ZNF469: variants seen among roughly 807,000 people sequenced by gnomAD.
The protein encoded by ZNF469 is zinc finger protein 469.
ZNF469 carries 1 observed loss-of-function variant against 1.0 expected under a neutral mutation model. That is an observed-to-expected ratio of 1.00 (90% CI 0.35 to 4.73). The LOEUF is 4.73. Ranked by LOEUF, ZNF469 falls within the 30% of genes most tolerant of loss-of-function variation. The pLI is 0.16. For missense variants in ZNF469, 6,100 were observed against 5,356.3 expected (o/e 1.14, Z -4.33); for synonymous variants, 2,703 against 2,363.4 (o/e 1.14, Z -4.17).
the ZNF469 span, among the ~76,000 whole-genome samples, chr16:88,282,627 G>T: frequency 6.6e-6 from 1 of 152,268 alleles, no homozygotes; most frequent in Admixed American, 6.5e-5. Context: ...CTGCAGAGAC[G>T]TCGGATTGCA....
the ZNF469 span, among the ~76,000 whole-genome samples, chr16:88,209,204 C>G: frequency 6.6e-6 from 1 of 152,198 alleles, no homozygotes; most frequent in East Asian, 1.9e-4. Context: ...TAGTCCATCT[C>G]CCCAACACTG....
In ZNF469 at chr16:88,430,811, G is replaced by T. The variant is rs568046708; in HGVS notation, c.3341G>T (p.Arg1114Leu). 2.5e-3 allele frequency: 3,769 copies of T among 1,531,412 alleles called. 10 individuals are homozygous for T. The highest frequency in any genetic ancestry group is 2.9e-3 in the South Asian group (239 of 83,694). The allele number at this position is 1,531,412 out of a possible 1,614,324, so 94.9% of individuals were successfully genotyped here. The change falls in exon 3 of 3, where the codon CGG (arginine) becomes CTG (leucine). Residue 1114 changes from arginine (R) to leucine (L), a missense_variant. Arg to Leu is a moderately radical substitution (Grantham distance 102). Transcript: ENST00000565624. ...PPPRGPGFRG[R>L]RGRGEKRKEV... ...CCGCGGGGCCCCGGCTTCAGAGGCC[G>T]GCGGGGCCGAGGCGAGAAGAGGAAG...
At chr16:88,146,633 C>A in the ZNF469 span, among the ~76,000 whole-genome samples, 4 of 152,208 alleles carry the variant, frequency 2.6e-5, no homozygotes, top group African/African-American at 9.6e-5. Flanking sequence ...CAGTCTCTGC[C>A]CTGGGGACGG....
In ZNF469 at chr16:88,431,575, G is replaced by A; in HGVS notation, c.4105G>A (p.Ala1369Thr). 1.9e-6 allele frequency: 3 copies of A among 1,550,432 alleles called. No individual in the cohort carries two copies. The highest frequency in any genetic ancestry group is 1.4e-5 in the African/African-American group (1 of 73,166). ...CAGAGACCCCTTGGGGGTTCCAGTT[G>A]CCAAAAAGGGGCCTCAGCCCTACAG... is the stretch of plus-strand genomic sequence containing the variant. ...FNRDPLGVPVAKKGPQPYSSP... is the reference protein window; with the variant it reads ...FNRDPLGVPVTKKGPQPYSSP... Residue 1369 changes from alanine (A) to threonine (T), a missense_variant, in exon 3 of 3, where the codon GCC becomes ACC. Ala to Thr is a moderately conservative substitution (Grantham distance 58). Transcript: ENST00000565624.
the ZNF469 span, among the ~76,000 whole-genome samples, chr16:88,274,102 C>T: frequency 6.6e-6 from 1 of 152,180 alleles, no homozygotes; most frequent in African/African-American, 2.4e-5. Context: ...CGCGCCTGGC[C>T]AGAATATTTT....
In ZNF469 at chr16:88,434,573, G is replaced by A. The variant is rs558575823; in HGVS notation, c.7103G>A (p.Gly2368Asp). 6.5e-7 allele frequency: 1 copy of A among 1,550,318 alleles called. No individual in the cohort carries two copies. Among genetic ancestry groups the A allele is most frequent in the East Asian group, 2.4e-5 (1 of 40,920 alleles). The change falls in exon 3 of 3, where the codon GGT becomes GAT. Residue 2368 changes from glycine to aspartate, a missense_variant. Coordinates refer to ENST00000565624, the MANE Select transcript of ZNF469 (RefSeq NM_001367624.2). Reference protein sequence around the residue: ...AGPDSPACLEGEMGTSSKEPE... With the variant: ...AGPDSPACLEDEMGTSSKEPE... ...CCGGACTCCCCCGCCTGCCTGGAAG[G>A]TGAGATGGGGACCAGCAGCAAGGAG...
At chr16:88,319,148 G>T in the ZNF469 span, among the ~76,000 whole-genome samples, 2 of 152,150 alleles carry the variant, frequency 1.3e-5, no homozygotes, top group Non-Finnish European at 2.9e-5. Flanking sequence ...GCGGATTCTG[G>T]ATTTGGGGTT....
the ZNF469 span, among the ~76,000 whole-genome samples, chr16:88,221,639 G>T: frequency 2.0e-5 from 3 of 152,222 alleles, no homozygotes; most frequent in Non-Finnish European, 4.4e-5. Flanking sequence ...GAGAGCCCCC[G>T]TCATGCATCC....
At chr16:88,368,996 T>C in the ZNF469 span, among the ~76,000 whole-genome samples, 6 of 151,748 alleles carry the variant, frequency 4.0e-5, no homozygotes, top group African/African-American at 1.2e-4. Flanking sequence ...GGAAAATTGC[T>C]CGAACCCAGG....
At chr16:88,165,152 G>T in the ZNF469 span, among the ~76,000 whole-genome samples, 2 of 152,220 alleles carry the variant, frequency 1.3e-5, no homozygotes, top group Admixed American at 1.3e-4. Flanking sequence ...AGGCAGCAGG[G>T]CTCCTGTGAG....
At chr16:88,111,534 C>T in the ZNF469 span, among the ~76,000 whole-genome samples, 250 of 152,256 alleles carry the variant, frequency 1.6e-3, 1 homozygote, top group African/African-American at 5.8e-3. Context: ...CCCCCCACTT[C>T]CCTTCCCAGC....
chr16:88,257,052 G>T, the ZNF469 span, among the ~76,000 whole-genome samples: 2 of 149,112 alleles, frequency 1.3e-5, no homozygotes, highest in South Asian at 2.1e-4. Context: ...AGGTTCAAGT[G>T]ATTCTCCTGC....
At chr16:88,352,359 C>T in the ZNF469 span, among the ~76,000 whole-genome samples, 2 of 152,344 alleles carry the variant, frequency 1.3e-5, no homozygotes, top group South Asian at 2.1e-4. Context: ...CTGGTGTCCT[C>T]GTGACTCATC....
At chr16:88,407,532 G>C (rs553340850) in intron 1 of ZNF469, among the ~76,000 whole-genome samples, 1 of 152,330 alleles carries the variant, frequency 6.6e-6, no homozygotes, top group South Asian at 2.1e-4. Context: ...GTGTGCATCC[G>C]ACGTCTGAGT....
At position 88,430,982 on chromosome 16, in the gene ZNF469, C is replaced by G. The variant is rs1267590861; in HGVS notation, c.3512C>G (p.Ala1171Gly). The G allele has an allele frequency of 9.1e-6, 14 of 1,540,626 alleles. No homozygotes were observed. The stretch of plus-strand genomic sequence containing the variant: ...CCGGGCCCCGGCAGGAGCCCTCAGG[C>G]CCGTGGCCCGTCTCGAAGCCTGGAG... ...SRPGPGRSPQ[A>G]RGPSRSLETG... Residue 1171 changes from alanine (A) to glycine (G), a missense_variant, in exon 3 of 3, where the codon GCC becomes GGC. By Grantham distance (60) the Ala-to-Gly change is moderately conservative. Transcript: ENST00000565624.
chr16:88,433,973 G>C lies in ZNF469; in HGVS notation c.6503G>C (p.Cys2168Ser), dbSNP rs921749050. The change falls in exon 3 of 3, where the codon TGT becomes TCT. Residue 2168 changes from cysteine to serine, a missense_variant. Physicochemically the swap from Cys to Ser is moderately radical, Grantham distance 112. Transcript: ENST00000565624. ...CCCGGCCCCCAGCAGCTGCTGGCCT[G>C]TTCTCCTGCCTGGGCACCTCTGGAA... Reference protein sequence around the residue: ...DPPGPQQLLACSPAWAPLEEA... With the variant: ...DPPGPQQLLASSPAWAPLEEA... 1 of 1,550,132 alleles carries C rather than the reference G, an allele frequency of 6.5e-7. No individual in the cohort carries two copies. Among genetic ancestry groups the C allele is most frequent in the Non-Finnish European group, 8.7e-7 (1 of 1,146,928 alleles).
At chr16:88,397,227 T>C (rs1904711402) in intron 1 of ZNF469, among the ~76,000 whole-genome samples, 2 of 152,218 alleles carry the variant, frequency 1.3e-5, no homozygotes, top group Admixed American at 1.3e-4. Flanking sequence ...AAGCCTCTCA[T>C]TGGCGGACCC....
At chr16:88,111,740 G>T in the ZNF469 span, among the ~76,000 whole-genome samples, 2 of 152,100 alleles carry the variant, frequency 1.3e-5, no homozygotes, top group African/African-American at 2.4e-5. Flanking sequence ...GGGTTCAAGC[G>T]ATCCTCCTGC....
chr16:88,106,348 C>T, the ZNF469 span, among the ~76,000 whole-genome samples: 1 of 152,198 alleles, frequency 6.6e-6, no homozygotes, highest in Non-Finnish European at 1.5e-5. Flanking sequence ...TTTCTCCATC[C>T]GAGAGGCAGT....
Sources: allele counts gnomAD v4.1 joint callset (sites outside exome capture counted in the v4.1 genomes callset), GRCh38; gene constraint gnomAD v4.1.1; transcripts MANE v1.5; gene names NCBI Gene and HGNC (gene_info 2026-07-23, HGNC 2026-07-21).